The following AGBL4 variants were observed in gnomAD, a reference collection of about 807,000 sequenced individuals.
AGBL4 encodes the protein cytosolic carboxypeptidase 6.
In AGBL4, 58 loss-of-function variants were observed where a neutral mutation model predicts 66.4. The observed-to-expected ratio is 0.87, with a 90% CI of 0.71 to 1.09. The LOEUF (loss-of-function observed/expected upper bound fraction) is 1.09, where lower values mean the gene tolerates loss of function less well. AGBL4 is among the 50% of genes least tolerant of loss of function. AGBL4 has a pLI of 0.00. For missense variants in AGBL4, 579 were observed against 631.0 expected (o/e 0.92, Z 0.88); for synonymous variants, 234 against 222.9 (o/e 1.05, Z -0.44).
chr1:49,709,537 A>C (rs1647474113), intron 2 of AGBL4, among the ~76,000 whole-genome samples: 1 of 152,192 alleles, frequency 6.6e-6, no homozygotes, highest in African/African-American at 2.4e-5. Context: ...AAACACCAAA[A>C]GCAATGGCAA....
At chr1:49,464,088 A>C (rs1041838001) in intron 3 of AGBL4, among the ~76,000 whole-genome samples, 5 of 151,758 alleles carry the variant, frequency 3.3e-5, no homozygotes, top group Non-Finnish European at 7.4e-5. Flanking sequence ...AGACAAACAG[A>C]ATCAGAGAAT....
intron 11 of AGBL4, among the ~76,000 whole-genome samples, chr1:48,564,173 G>A (rs1395576260): frequency 2.0e-5 from 3 of 152,016 alleles, no homozygotes; most frequent in Non-Finnish European, 2.9e-5. Context: ...CACTTCTGTA[G>A]GTTACTGCAG....
chr1:49,351,924 A>G (rs553180745), intron 3 of AGBL4, among the ~76,000 whole-genome samples: 1 of 152,344 alleles, frequency 6.6e-6, no homozygotes, highest in South Asian at 2.1e-4. Context: ...AGCCTAAGCC[A>G]TCGTGAGTCA....
intron 3 of AGBL4, among the ~76,000 whole-genome samples, chr1:49,316,686 G>T (rs1178270242): frequency 1.3e-5 from 2 of 151,846 alleles, no homozygotes; most frequent in Non-Finnish European, 2.9e-5. Context: ...TCTGGAGGAG[G>T]TATAAAATGG....
rs114384133 is a variant in AGBL4 at position 49,631,222 on chromosome 1, C to T, written c.282+66091G>A. Reference sequence around the variant, plus strand: ...CTTAGTGTAATAGACCTACTTTGTACGGGCATTTAAACATTTCTAAACCTG... The same window carrying T: ...CTTAGTGTAATAGACCTACTTTGTATGGGCATTTAAACATTTCTAAACCTG... On this transcript the variant is annotated intron_variant, in intron 3 of 13. Transcript: ENST00000371839. Among the ~76,000 whole-genome samples, 283 of 152,280 alleles carry T rather than the reference C, an allele frequency of 1.9e-3. 1 individual carries two copies. Among genetic ancestry groups the T allele is most frequent in the African/African-American group, 3.2e-3 (131 of 41,574 alleles).
chr1:49,454,609 A>G (rs1318151688), intron 3 of AGBL4, among the ~76,000 whole-genome samples: 1 of 151,740 alleles, frequency 6.6e-6, no homozygotes, highest in East Asian at 1.9e-4. Context: ...AAATTATACT[A>G]CATAATTAAC....
chr1:48,825,214 A>C (rs1313548465), intron 6 of AGBL4, among the ~76,000 whole-genome samples: 1 of 152,162 alleles, frequency 6.6e-6, no homozygotes, highest in African/African-American at 2.4e-5. Flanking sequence ...ATTGCTGCGG[A>C]GGCCAGGAGG....
chr1:50,020,746 A>T (rs1662385568), intron 1 of AGBL4, among the ~76,000 whole-genome samples: 1 of 152,242 alleles, frequency 6.6e-6, no homozygotes, highest in Non-Finnish European at 1.5e-5. Flanking sequence ...CACATATAAA[A>T]CATAGAGAAT....
chr1:49,947,618 C>G (rs561925746), intron 1 of AGBL4, among the ~76,000 whole-genome samples: 1 of 151,604 alleles, frequency 6.6e-6, no homozygotes, highest in South Asian at 2.1e-4. Context: ...AAAGCATTCC[C>G]TCTGAGAACT....
At chr1:49,171,166 T>C (rs1338253534) in intron 4 of AGBL4, among the ~76,000 whole-genome samples, 1 of 152,224 alleles carries the variant, frequency 6.6e-6, no homozygotes, top group Non-Finnish European at 1.5e-5. Flanking sequence ...GAATCTACCA[T>C]ACATATTCTA....
chr1:49,277,471 CTGAG>C (rs1644190617), intron 3 of AGBL4, among the ~76,000 whole-genome samples: 1 of 152,018 alleles, frequency 6.6e-6, no homozygotes, highest in East Asian at 1.9e-4. Context: ...AGGCATAAAC[CTGAG>C]TTCAAAACTT....
At chr1:50,022,571 T>C (rs1003407734) in intron 1 of AGBL4, among the ~76,000 whole-genome samples, 4 of 151,674 alleles carry the variant, frequency 2.6e-5, no homozygotes, top group African/African-American at 9.7e-5. Flanking sequence ...GGTGTCATAG[T>C]TTTCAGTTCC....
intron 6 of AGBL4, among the ~76,000 whole-genome samples, chr1:48,742,255 T>C (rs1650028800): frequency 6.6e-6 from 1 of 152,186 alleles, no homozygotes; most frequent in African/African-American, 2.4e-5. Context: ...TCATTTCCAG[T>C]TCACCTGATA....
Position 49,478,515 on chromosome 1 carries a change from G to A in AGBL4, c.282+218798C>T, listed in dbSNP as rs1288827703. On this transcript the variant is annotated intron_variant, in intron 3 of 13. Transcript: ENST00000371839. The stretch of plus-strand genomic sequence containing the variant: ...GAAAATAACCTTCAATCATGAAGGA[G>A]AAATAAAGACTTACCCAGACAAACA... Among the ~76,000 whole-genome samples the A allele has an allele frequency of 3.3e-5, 5 of 151,910 alleles. 1 individual carries two copies. The highest frequency in any genetic ancestry group is 1.5e-5 in the Non-Finnish European group (1 of 67,940).
intron 3 of AGBL4, among the ~76,000 whole-genome samples, chr1:49,445,715 C>A (rs982907385): frequency 1.3e-5 from 2 of 151,850 alleles, no homozygotes; most frequent in Non-Finnish European, 2.9e-5. Flanking sequence ...CTATTTGGTT[C>A]TTTTTAAAAA....
At chr1:49,244,994 T>C (rs1266651182) in intron 4 of AGBL4, among the ~76,000 whole-genome samples, 1 of 151,766 alleles carries the variant, frequency 6.6e-6, no homozygotes, top group Admixed American at 6.6e-5. Context: ...TTACTCTTTA[T>C]GGTCTTAACA....
chr1:49,242,010 C>T (rs1337730582), intron 4 of AGBL4, among the ~76,000 whole-genome samples: 1 of 151,830 alleles, frequency 6.6e-6, no homozygotes, highest in Non-Finnish European at 1.5e-5. Context: ...TGAAATATCA[C>T]CTGGTCCTTA....
intron 1 of AGBL4, among the ~76,000 whole-genome samples, chr1:49,922,407 C>T (rs1652350069): frequency 1.3e-5 from 2 of 152,112 alleles, no homozygotes; most frequent in South Asian, 4.2e-4. Flanking sequence ...GACAAGGATG[C>T]CCTCTCTCAC....
intron 4 of AGBL4, among the ~76,000 whole-genome samples, chr1:49,226,226 C>G (rs184313394): frequency 6.6e-6 from 1 of 152,196 alleles, no homozygotes; most frequent in East Asian, 1.9e-4. Flanking sequence ...ATAGTGAGAT[C>G]AGATGCAAAA....
Sources: allele counts gnomAD v4.1 joint callset (sites outside exome capture counted in the v4.1 genomes callset), GRCh38; gene constraint gnomAD v4.1.1; transcripts MANE v1.5; gene names NCBI Gene and HGNC (gene_info 2026-07-23, HGNC 2026-07-21).